Variants in STPG2 observed in about 807,000 individuals in gnomAD.
STPG2 encodes the protein sperm tail PG-rich repeat containing 2.
Under a neutral mutation model 54.2 loss-of-function variants are expected in STPG2, and 56 were observed. The observed-to-expected ratio is 1.03, with a 90% CI of 0.83 to 1.29. The LOEUF is 1.29. Ranked by LOEUF, STPG2 falls within the 50% of genes most tolerant of loss-of-function variation. The pLI is 0.00. For synonymous variants in STPG2, 200 were observed against 181.8 expected (o/e 1.10, Z -0.81); for missense variants, 596 against 544.9 (o/e 1.09, Z -0.93).
At chr4:97,648,348 T>C (rs1721972508) in intron 10 of STPG2, among the ~76,000 whole-genome samples, 1 of 152,160 alleles carries the variant, frequency 6.6e-6, no homozygotes, top group South Asian at 2.1e-4. Flanking sequence ...GGTATCTACC[T>C]GGCTTTAAAA....
chr4:97,615,800 G>C (rs560707987), intron 10 of STPG2, among the ~76,000 whole-genome samples: 1 of 151,344 alleles, frequency 6.6e-6, no homozygotes, highest in South Asian at 2.1e-4. Context: ...ACACTGGGAG[G>C]CCGAGACAGG....
intron 5 of STPG2, among the ~76,000 whole-genome samples, chr4:98,009,542 T>C (rs1389140796): frequency 2.6e-5 from 4 of 152,086 alleles, no homozygotes; most frequent in Admixed American, 2.0e-4. Flanking sequence ...TTGTGACAAA[T>C]ATGTAGTCTG....
chr4:98,112,029 C>T (rs1383821459), intron 3 of STPG2, among the ~76,000 whole-genome samples: 1 of 152,042 alleles, frequency 6.6e-6, no homozygotes, highest in Non-Finnish European at 1.5e-5. Context: ...AACTCAGCTA[C>T]TCCACCAGCT....
downstream of STPG2, among the ~76,000 whole-genome samples, chr4:97,555,727 G>C (rs1732062766): frequency 6.6e-6 from 1 of 152,038 alleles, no homozygotes; most frequent in Admixed American, 6.6e-5. Context: ...CATATGCCAA[G>C]TCCCACCTAA....
chr4:97,536,470 A>G (rs532004179), intron 4 of STPG2, among the ~76,000 whole-genome samples: 9 of 152,264 alleles, frequency 5.9e-5, no homozygotes, highest in South Asian at 2.1e-4. Context: ...CTTCTCCTTC[A>G]TCTTCTACCA....
chr4:97,518,429 G>T (rs1168770023), intron 4 of STPG2, among the ~76,000 whole-genome samples: 2 of 152,118 alleles, frequency 1.3e-5, no homozygotes, highest in East Asian at 3.9e-4. Flanking sequence ...TATAAAACAA[G>T]GTTAAAAGTT....
intron 5 of STPG2, among the ~76,000 whole-genome samples, chr4:98,001,548 A>G (rs1164119190): frequency 6.6e-6 from 1 of 152,116 alleles, no homozygotes; most frequent in Non-Finnish European, 1.5e-5. Flanking sequence ...ACAATTAAAC[A>G]CATCCAAATG....
chr4:97,616,706 T>C (rs1168287897), intron 10 of STPG2, among the ~76,000 whole-genome samples: 2 of 152,134 alleles, frequency 1.3e-5, no homozygotes. Context: ...TGGTTAACTT[T>C]GGCTCAACTA....
At chr4:97,445,370 A>G (rs1235328003) in intron 4 of STPG2, among the ~76,000 whole-genome samples, 1 of 152,354 alleles carries the variant, frequency 6.6e-6, no homozygotes, top group East Asian at 1.9e-4. Flanking sequence ...TGAATGTTCT[A>G]GACCAGCACT....
rs1740081359 is a variant in STPG2 at position 98,134,418 on chromosome 4, T to C, written c.151A>G (p.Thr51Ala). 1 of 1,590,936 alleles carries C rather than the reference T, an allele frequency of 6.3e-7. No homozygotes were observed. Among genetic ancestry groups the C allele is most frequent in the Non-Finnish European group, 8.6e-7 (1 of 1,166,270 alleles). Residue 51 changes from threonine to alanine, a missense_variant, in exon 2 of 11, where the codon ACT (threonine) becomes GCT (alanine). Transcript: ENST00000295268. ...TCAATGCTAGAGGCAATGGTAAAAG[T>C]ACTTTCTCTGGCAGTCAAAGAAAGA... is the stretch of plus-strand genomic sequence containing the variant. ...PFLSLTARES[T>A]FTIASSIEKA...
intron 4 of STPG2, among the ~76,000 whole-genome samples, chr4:97,445,021 A>G (rs1314454592): frequency 4.6e-5 from 7 of 152,182 alleles, no homozygotes. Flanking sequence ...TGGGTGACAG[A>G]GCAAGACTCC....
intron 9 of STPG2, among the ~76,000 whole-genome samples, chr4:97,798,135 T>G (rs1046937931): frequency 1.3e-5 from 2 of 152,224 alleles, no homozygotes; most frequent in Non-Finnish European, 2.9e-5. Context: ...AAAAACTAGC[T>G]CCTGGATTCA....
intron 9 of STPG2, among the ~76,000 whole-genome samples, chr4:97,736,832 T>C (rs1725016491): frequency 6.6e-6 from 1 of 152,210 alleles, no homozygotes; most frequent in Non-Finnish European, 1.5e-5. Flanking sequence ...TAAATGTCCC[T>C]GTCTGACAGC....
chr4:97,676,418 A>G (rs538823899), intron 10 of STPG2, among the ~76,000 whole-genome samples: 1 of 152,176 alleles, frequency 6.6e-6, no homozygotes, highest in Non-Finnish European at 1.5e-5. Context: ...TAAGCACCTT[A>G]TTCCCTGTAT....
chr4:97,564,803 A>G (rs574606938), intron 10 of STPG2, among the ~76,000 whole-genome samples: 152 of 152,232 alleles, frequency 1.0e-3, no homozygotes, highest in Middle Eastern at 3.4e-3. Flanking sequence ...CGAGAGATCC[A>G]TGGTTAGTCT....
chr4:97,594,640 T>C (rs1185124335), intron 10 of STPG2, among the ~76,000 whole-genome samples: 6 of 152,030 alleles, frequency 3.9e-5, no homozygotes, highest in Non-Finnish European at 7.4e-5. Flanking sequence ...ATTCAGGAAA[T>C]CCAGATAAGA....
intron 7 of STPG2, among the ~76,000 whole-genome samples, chr4:97,951,120 TATG>T (rs1021202469): frequency 2.6e-5 from 4 of 152,214 alleles, no homozygotes; most frequent in South Asian, 2.1e-4. Context: ...TTTGACTCCC[TATG>T]ATTTCATCTC....
At chr4:97,814,486 A>T (rs924575834) in intron 9 of STPG2, among the ~76,000 whole-genome samples, 1 of 152,082 alleles carries the variant, frequency 6.6e-6, no homozygotes, top group South Asian at 2.1e-4. Context: ...ATGCCACCAC[A>T]CCTGGGTAAT....
intron 10 of STPG2, among the ~76,000 whole-genome samples, chr4:97,711,565 C>G (rs1724121631): frequency 6.6e-6 from 1 of 151,942 alleles, no homozygotes; most frequent in Non-Finnish European, 1.5e-5. Context: ...CAACAGCCAA[C>G]AAGATAACAA....
Sources: allele counts gnomAD v4.1 joint callset (sites outside exome capture counted in the v4.1 genomes callset), GRCh38; gene constraint gnomAD v4.1.1; transcripts MANE v1.5; gene names NCBI Gene and HGNC (gene_info 2026-07-23, HGNC 2026-07-21).